Variants in MYO7A observed in about 807,000 individuals in gnomAD.
MYO7A encodes the protein unconventional myosin-VIIa.
In MYO7A, 210 loss-of-function variants were observed where a neutral mutation model predicts 263.8. That is an observed-to-expected ratio of 0.80 (90% CI 0.71 to 0.89). MYO7A has a LOEUF of 0.89. Among genes scored for constraint, MYO7A ranks in the 40% least tolerant of loss-of-function variants. The pLI is 0.00. For missense variants in MYO7A, 2,820 were observed against 2,968.3 expected (o/e 0.95, Z 1.16); for synonymous variants, 1,239 against 1,197.3 (o/e 1.03, Z -0.72).
At position 77,156,844 on chromosome 11, in the gene MYO7A, A is replaced by G. The variant is rs782557806; in HGVS notation, c.593-18A>G. The G allele has an allele frequency of 4.1e-5, 66 of 1,613,700 alleles. No individual in the cohort carries two copies. In the Middle Eastern group the frequency reaches 1.3e-3, roughly 32 times the overall value. On this transcript the variant is annotated intron_variant, in intron 6 of 48. Transcript: ENST00000409709. ...GGCGGGAGCGGGCTTTGCCAGTGAC[A>G]CCCTACTCACTCCGCAGCATTTGGG...
At chr11:77,158,503 T>G (rs1952703047) in intron 9 of MYO7A, 73 bp downstream of exon 9, 15 of 1,506,670 alleles carry the variant, frequency 1.0e-5, no homozygotes, top group Non-Finnish European at 1.2e-5. Flanking sequence ...GCCCACGTGG[T>G]ATTGGCAGCT....
rs373929136 is a variant in MYO7A, at chr11:77,181,600, A to G, written c.2904+11A>G. ...CCTAGTGGCTTTGAGGTACCAGGCT[A>G]GGGACAGGGGCTCCAGAGGCCCACA... On this transcript the variant is annotated intron_variant, in intron 23 of 48. Transcript: ENST00000409709. 4.3e-6 allele frequency: 7 copies of G among 1,611,666 alleles called. No individual in the cohort carries two copies. The African/African-American group carries it at 9.4e-5, about 22-fold the overall frequency.
intron 9 of MYO7A, among the ~76,000 whole-genome samples, chr11:77,158,963 G>T (rs1326307457): frequency 6.6e-6 from 1 of 152,224 alleles, no homozygotes; most frequent in Non-Finnish European, 1.5e-5. Context: ...GGAGCCCCAG[G>T]AAATGTGCCC....
rs2135556172 is a variant in MYO7A, at chr11:77,190,076, G to A, written c.3687G>A (p.Glu1229=). 1 of 1,578,728 alleles carries A rather than the reference G, an allele frequency of 6.3e-7. No individual in the cohort carries two copies. Among genetic ancestry groups the A allele is most frequent in the Admixed American group, 1.8e-5 (1 of 54,618 alleles). The change falls in exon 29 of 49, where the codon GAG becomes GAA. Residue 1229 remains glutamate (E), a synonymous_variant. Transcript: ENST00000409709. The stretch of plus-strand genomic sequence containing the variant: ...CCGGCTACGCCCCGTACTGTGAGGA[G>A]CGCCTGAGAAGGACCTTTGTCAATG... The part of the protein sequence containing the change: ...GPPGYAPYCE[E]RLRRTFVNGT...
At chr11:77,185,801 A>G (rs1447145154) in intron 27 of MYO7A, among the ~76,000 whole-genome samples, 2 of 152,256 alleles carry the variant, frequency 1.3e-5, no homozygotes, top group African/African-American at 2.4e-5. Context: ...TGGCAGCAAT[A>G]GTCTTATAAA....
At position 77,147,841 on chromosome 11, in the gene MYO7A, T is replaced by C. The variant is rs1555054685; in HGVS notation, c.176T>C (p.Met59Thr). ...SPQNATHIKPMHPTSVHGVED... is the reference protein window; with the variant it reads ...SPQNATHIKPTHPTSVHGVED... ...CAGAACGCAACGCACATCAAGCCTA[T>C]GCACCCCACGTCGGTCCACGGCGTG... The change falls in exon 4 of 49, where the codon ATG becomes ACG. Residue 59 changes from methionine (M) to threonine (T), a missense_variant. Coordinates refer to ENST00000409709, the MANE Select transcript of MYO7A (RefSeq NM_000260.4). 3 of 1,610,126 alleles carry C rather than the reference T, an allele frequency of 1.9e-6. No homozygotes were observed. In the Admixed American group the frequency reaches 5.0e-5, roughly 27 times the overall value.
chr11:77,158,228 G>A, intron 8 of MYO7A, 49 bp from the exon 9 acceptor site: 3 of 1,524,202 alleles, frequency 2.0e-6, no homozygotes, highest in Non-Finnish European at 2.7e-6. Context: ...GCCCCTCTGG[G>A]GGTACACTGA....
At chr11:77,195,611 G>A (rs1171096905) in intron 32 of MYO7A, among the ~76,000 whole-genome samples, 3 of 152,242 alleles carry the variant, frequency 2.0e-5, no homozygotes, top group Admixed American at 1.3e-4. Context: ...AGGACCTGGA[G>A]ACACAGCCCT....
rs1210164745 is a variant in MYO7A, at chr11:77,170,958, TTCTGTGAACCCATGGATG to T, written c.1798-1787_1798-1770del. On this transcript the variant is annotated intron_variant, in intron 15 of 48. Coordinates refer to ENST00000409709, the MANE Select transcript of MYO7A (RefSeq NM_000260.4). ...CTGGAGCAACGGGAAGGTGGGCAAT[TTCTGTGAACCCATGGATG>T]TCACTAGGAACCAGTTCAACAGCAC... 5.3e-5 allele frequency among the ~76,000 whole-genome samples: 8 copies of T among 152,238 alleles called. No homozygotes were observed. The South Asian group carries it at 1.7e-3, about 32-fold the overall frequency.
At chr11:77,164,037 A>AGGCC (rs1555070940) in intron 14 of MYO7A, among the ~76,000 whole-genome samples, 1 of 152,222 alleles carries the variant, frequency 6.6e-6, no homozygotes, top group Non-Finnish European at 1.5e-5. Flanking sequence ...GCTCAAAGTC[A>AGGCC]GGCCTCGAAC....
intron 4 of MYO7A, among the ~76,000 whole-genome samples, chr11:77,154,724 A>C (rs916713023): frequency 1.8e-4 from 27 of 146,368 alleles, no homozygotes; most frequent in Non-Finnish European, 1.6e-4. Context: ...TGATTGGAGG[A>C]AGAGGCTTAG....
chr11:77,202,270 G>C (rs1957114171), intron 36 of MYO7A, 30 bp from the exon 37 acceptor site: 2 of 1,564,518 alleles, frequency 1.3e-6, no homozygotes, highest in Non-Finnish European at 1.7e-6. Context: ...GTAGAGAGCT[G>C]ACCTGAGCCC....
chr11:77,191,925 CCTTGG>C, intron 30 of MYO7A, 121 bp from the exon 31 acceptor site: 1 of 764,616 alleles, frequency 1.3e-6, no homozygotes, highest in Non-Finnish European at 2.1e-6. Context: ...CTCCTGGGGG[CCTTGG>C]ACGTGTCCCT....
At chr11:77,171,909 G>A (rs1490885356) in intron 15 of MYO7A, among the ~76,000 whole-genome samples, 1 of 152,220 alleles carries the variant, frequency 6.6e-6, no homozygotes, top group Non-Finnish European at 1.5e-5. Context: ...GGAGGCGCAG[G>A]GGGCTCGCTG....
At chr11:77,196,378 AAAG>A (rs1457523496) in intron 32 of MYO7A, among the ~76,000 whole-genome samples, 1 of 151,930 alleles carries the variant, frequency 6.6e-6, no homozygotes, top group Non-Finnish European at 1.5e-5. Context: ...AAAAAAAAAA[AAAG>A]GAGCTTATCT....
chr11:77,179,838 G>A lies in MYO7A; in HGVS notation c.2471G>A (p.Cys824Tyr). 6.5e-7 allele frequency: 1 copy of A among 1,543,370 alleles called. No individual in the cohort carries two copies. Among genetic ancestry groups the A allele is most frequent in the Non-Finnish European group, 8.7e-7 (1 of 1,147,004 alleles). Residue 824 changes from cysteine (C) to tyrosine (Y), a missense_variant, in exon 21 of 49, where the codon TGC (cysteine) becomes TAC (tyrosine). Cys to Tyr is a radical substitution (Grantham distance 194). Transcript: ENST00000409709. ...CGCATCATCCAGTTCCAGGCCCGCT[G>A]CCGCGCCTATCTGGTGCGCAAGGCC... is the stretch of plus-strand genomic sequence containing the variant. ...RQRIIQFQAR[C>Y]RAYLVRKAFR...
chr11:77,151,186 C>T (rs149297194), intron 4 of MYO7A, among the ~76,000 whole-genome samples: 1 of 152,214 alleles, frequency 6.6e-6, no homozygotes, highest in Non-Finnish European at 1.5e-5. Context: ...CTGCATGGTC[C>T]TAGAGAGCAA....
chr11:77,202,679 G>C (rs1424523410), intron 37 of MYO7A, among the ~76,000 whole-genome samples: 2 of 152,012 alleles, frequency 1.3e-5, no homozygotes, highest in Non-Finnish European at 2.9e-5. Context: ...GTGGGGATGC[G>C]GGCTGGAAGC....
rs1555067470 is a variant in MYO7A at position 77,160,203 on chromosome 11, C to T, written c.1121C>T (p.Thr374Ile). Residue 374 changes from threonine (T) to isoleucine (I), a missense_variant, in exon 11 of 49, where the codon ACC (threonine) becomes ATC (isoleucine). Physicochemically the swap from Thr to Ile is moderately conservative, Grantham distance 89. Coordinates refer to ENST00000409709, the MANE Select transcript of MYO7A (RefSeq NM_000260.4). ...CTGATGAGCTGCCTGACTAGCCGCA[C>T]CCTCATCACCCGCGGGGAGACGGTG... ...PDLMSCLTSR[T>I]LITRGETVST... The T allele has an allele frequency of 6.3e-7, 1 of 1,579,470 alleles. No homozygotes were observed. Among genetic ancestry groups the T allele is most frequent in the South Asian group, 1.2e-5 (1 of 85,704 alleles).
Sources: gnomAD v4.1 joint callset for allele counts (sites outside exome capture counted in the v4.1 genomes callset) on GRCh38, gnomAD v4.1.1 for gene constraint, MANE v1.5 for transcripts, NCBI Gene and HGNC (gene_info 2026-07-23, HGNC 2026-07-21) for gene names.